SLC22A24: variants seen among roughly 807,000 people sequenced by gnomAD.
SLC22A24 encodes solute carrier family 22 member 24, also known as steroid transmembrane transporter SLC22A24.
In SLC22A24, 53 loss-of-function variants were observed where a neutral mutation model predicts 49.8. The ratio of observed to expected loss-of-function variants is 1.06; its 90% CI spans 0.85 to 1.34. The LOEUF (loss-of-function observed/expected upper bound fraction) is 1.34, where lower values mean the gene tolerates loss of function less well. SLC22A24 is among the 40% of genes most tolerant of loss of function. The probability of loss-of-function intolerance (pLI) is 0.00; values close to 1 mark genes in which losing one functional copy is unlikely to be tolerated. For synonymous variants in SLC22A24, 302 were observed against 256.4 expected (o/e 1.18, Z -1.70); for missense variants, 786 against 675.9 (o/e 1.16, Z -1.81).
chr11:63,087,904 C>A (rs61355084), intron 6 of SLC22A24, among the ~76,000 whole-genome samples: 32 of 152,036 alleles, frequency 2.1e-4, no homozygotes, highest in African/African-American at 7.7e-4. Flanking sequence ...AGGCAACAGC[C>A]CCAGTAAGAG....
At chr11:63,094,610 G>A (rs1051326074) in intron 6 of SLC22A24, among the ~76,000 whole-genome samples, 7 of 152,084 alleles carry the variant, frequency 4.6e-5, no homozygotes, top group Non-Finnish European at 8.8e-5. Context: ...GTGTGAAAGT[G>A]TTCCTGTTTC....
At chr11:63,113,873 G>T (rs971185790) in intron 4 of SLC22A24, among the ~76,000 whole-genome samples, 12 of 149,610 alleles carry the variant, frequency 8.0e-5, no homozygotes, top group Admixed American at 8.0e-4. Context: ...AAAAAAAAAG[G>T]AATGTTGAAT....
At chr11:63,082,312 C>T (rs2086964795) in intron 7 of SLC22A24, among the ~76,000 whole-genome samples, 2 of 152,302 alleles carry the variant, frequency 1.3e-5, no homozygotes, top group South Asian at 2.1e-4. Flanking sequence ...AATAATATCA[C>T]ACTGGGAACC....
intron 4 of SLC22A24, among the ~76,000 whole-genome samples, chr11:63,106,922 T>C (rs891879405): frequency 6.6e-6 from 1 of 152,216 alleles, no homozygotes; most frequent in Non-Finnish European, 1.5e-5. Flanking sequence ...GTGCAGAAGC[T>C]CTTTAGTTTA....
rs1211951165 is a variant in SLC22A24 at position 63,109,853 on chromosome 11, T to C, written c.831-5555A>G. ...CTGTGCAGAAGCTCTTTAGTTTAAT[T>C]AGATCCCATTTGTCAATTTTGGCTT... On this transcript the variant is annotated intron_variant, in intron 4 of 9. Coordinates refer to ENST00000612278, the MANE Select transcript of SLC22A24 (RefSeq NM_001136506.2). Among the ~76,000 whole-genome samples, 64 of 151,136 alleles carry C rather than the reference T, an allele frequency of 4.2e-4. 2 individuals are homozygous for C. The highest frequency in any genetic ancestry group is 7.4e-5 in the Non-Finnish European group (5 of 67,196).
At position 63,104,232 on chromosome 11, in the gene SLC22A24, A is replaced by G; in HGVS notation, c.897T>C (p.Leu299=). 6.4e-7 allele frequency: 1 copy of G among 1,550,802 alleles called. No homozygotes were observed. Among genetic ancestry groups the G allele is most frequent in the South Asian group, 1.2e-5 (1 of 84,048 alleles). ...NNQLDEGLKE[L]RRVAHINGKK... ...TTCCATTTATGTGTGCAACTCTTCT[A>G]AGCTCCTTTAAGCCCTCATCTAGCT... The change falls in exon 5 of 10, where the codon CTT becomes CTC. Residue 299 remains leucine, a synonymous_variant. Coordinates refer to ENST00000612278, the MANE Select transcript of SLC22A24 (RefSeq NM_001136506.2).
chr11:63,117,147 G>T (rs762668557), intron 4 of SLC22A24, among the ~76,000 whole-genome samples: 8 of 151,964 alleles, frequency 5.3e-5, no homozygotes, highest in Non-Finnish European at 7.4e-5. Context: ...TTCTTCCATG[G>T]CTCCTTTGTT....
chr11:63,080,042 A>C, intron 9 of SLC22A24, 42 bp from the exon 10 acceptor site: 1 of 1,299,192 alleles, frequency 7.7e-7, no homozygotes, highest in Non-Finnish European at 1.1e-6. Context: ...TTAAGAAACA[A>C]AAAATAAATA....
At chr11:63,081,537 G>A (rs1451757736) in intron 8 of SLC22A24, 21 bp downstream of exon 8, 2 of 1,500,684 alleles carry the variant, frequency 1.3e-6, no homozygotes, top group Non-Finnish European at 1.8e-6. Context: ...TTTGAAACCA[G>A]ATGGTCTTTA....
chr11:63,133,128 C>G (rs146667496), intron 2 of SLC22A24, among the ~76,000 whole-genome samples: 1 of 152,276 alleles, frequency 6.6e-6, no homozygotes, highest in South Asian at 2.1e-4. Flanking sequence ...GCCAGGCATG[C>G]GAGGGAATCT....
chr11:63,141,262 A>C (rs1487715414), intron 1 of SLC22A24, among the ~76,000 whole-genome samples: 1 of 152,224 alleles, frequency 6.6e-6, no homozygotes, highest in Non-Finnish European at 1.5e-5. Flanking sequence ...TTTTGAAGAC[A>C]ATTTTTATGT....
intron 2 of SLC22A24, among the ~76,000 whole-genome samples, chr11:63,120,661 C>T (rs923357497): frequency 6.6e-6 from 1 of 151,932 alleles, no homozygotes; most frequent in Admixed American, 6.6e-5. Context: ...TAACTTTGAC[C>T]AAATTACATG....
chr11:63,121,635 T>A (rs933683672), intron 2 of SLC22A24, among the ~76,000 whole-genome samples: 9 of 152,156 alleles, frequency 5.9e-5, no homozygotes, highest in South Asian at 2.1e-4. Flanking sequence ...TTACTTTTTT[T>A]AAGTTTAATT....
intron 4 of SLC22A24, among the ~76,000 whole-genome samples, chr11:63,110,330 G>A (rs889697046): frequency 2.6e-5 from 4 of 152,250 alleles, no homozygotes; most frequent in South Asian, 2.1e-4. Flanking sequence ...TGGCAATGCG[G>A]GCTCTTTTTT....
chr11:63,124,803 G>A (rs1186630543), intron 2 of SLC22A24, among the ~76,000 whole-genome samples: 1 of 152,050 alleles, frequency 6.6e-6, no homozygotes, highest in Non-Finnish European at 1.5e-5. Context: ...GTCCTTTGTA[G>A]GGACATGAAT....
intron 6 of SLC22A24, among the ~76,000 whole-genome samples, chr11:63,087,457 C>T (rs1331946944): frequency 1.3e-5 from 2 of 152,166 alleles, no homozygotes; most frequent in South Asian, 2.1e-4. Flanking sequence ...GTGCCTATAC[C>T]ACCAGGGCCC....
At chr11:63,135,506 T>C (rs1389063373) in intron 1 of SLC22A24, among the ~76,000 whole-genome samples, 1 of 152,252 alleles carries the variant, frequency 6.6e-6, no homozygotes, top group Non-Finnish European at 1.5e-5. Context: ...GTTTGTTTAA[T>C]TAATTCGCTT....
intron 2 of SLC22A24, among the ~76,000 whole-genome samples, chr11:63,133,974 A>G (rs1205135050): frequency 1.3e-5 from 2 of 152,184 alleles, no homozygotes; most frequent in Non-Finnish European, 2.9e-5. Flanking sequence ...ATTTATATGA[A>G]TATACCACAA....
chr11:63,081,994 G>C (rs898211380), intron 7 of SLC22A24, among the ~76,000 whole-genome samples: 8 of 151,954 alleles, frequency 5.3e-5, no homozygotes, highest in Admixed American at 5.2e-4. Flanking sequence ...TTCCAGTGGG[G>C]GCACAGAACT....
Sources: allele counts gnomAD v4.1 joint callset (sites outside exome capture counted in the v4.1 genomes callset), GRCh38; gene constraint gnomAD v4.1.1; transcripts MANE v1.5; gene names NCBI Gene and HGNC (gene_info 2026-07-23, HGNC 2026-07-21).